The following TTC29 variants were observed in gnomAD, a reference collection of about 807,000 sequenced individuals.
TTC29 encodes tetratricopeptide repeat domain 29, also known as tetratricopeptide repeat protein 29.
Under a neutral mutation model 58.1 loss-of-function variants are expected in TTC29, and 49 were observed. That is an observed-to-expected ratio of 0.84 (90% CI 0.67 to 1.07). The LOEUF (loss-of-function observed/expected upper bound fraction) is 1.07, where lower values mean the gene tolerates loss of function less well. Among genes scored for constraint, TTC29 ranks in the 50% least tolerant of loss-of-function variants. TTC29 has a pLI of 0.00. For synonymous variants in TTC29, 209 were observed against 196.8 expected (o/e 1.06, Z -0.52); for missense variants, 582 against 555.6 (o/e 1.05, Z -0.48).
intron 7 of TTC29, among the ~76,000 whole-genome samples, chr4:146,873,667 G>A (rs1731077115): frequency 6.6e-6 from 1 of 152,166 alleles, no homozygotes; most frequent in Non-Finnish European, 1.5e-5. Flanking sequence ...TACCCCTTTG[G>A]GGGAAGGTAC....
intron 11 of TTC29, among the ~76,000 whole-genome samples, chr4:146,737,488 AT>A (rs1744791582): frequency 6.7e-6 from 1 of 149,832 alleles, no homozygotes; most frequent in Admixed American, 6.8e-5. Flanking sequence ...AACTGTTCTG[AT>A]TCCCAGCGAG....
At position 146,894,784 on chromosome 4, in the gene TTC29, A is replaced by G. The variant is rs996543615; in HGVS notation, c.586+8760T>C. The stretch of plus-strand genomic sequence containing the variant: ...CTAATATAGTCTGTATGCTGTGTTC[A>G]GTGTTGACAACCGTAACTATTGTGC... On this transcript the variant is annotated intron_variant, in intron 6 of 12. Coordinates refer to ENST00000325106, the MANE Select transcript of TTC29 (RefSeq NM_031956.4). 3.9e-4 allele frequency among the ~76,000 whole-genome samples: 60 copies of G among 152,294 alleles called. 1 individual carries two copies. The highest frequency in any genetic ancestry group is 1.3e-3 in the African/African-American group (55 of 41,564).
intron 11 of TTC29, among the ~76,000 whole-genome samples, chr4:146,722,689 G>GTTTAT (rs1046583515): frequency 6.6e-6 from 1 of 151,768 alleles, no homozygotes; most frequent in African/African-American, 2.4e-5. Context: ...TGGATTAAAG[G>GTTTAT]TTTATTTTAT....
intron 6 of TTC29, 64 bp from the exon 7 acceptor site, chr4:146,874,992 C>A: frequency 7.5e-7 from 1 of 1,330,050 alleles, no homozygotes; most frequent in Non-Finnish European, 1.1e-6. Flanking sequence ...AGAAATTTTG[C>A]ATACGTTTTA....
chr4:146,917,156 A>G (rs559452172), intron 4 of TTC29, among the ~76,000 whole-genome samples: 1 of 151,130 alleles, frequency 6.6e-6, no homozygotes, highest in Admixed American at 6.6e-5. Flanking sequence ...ACATGTTAAC[A>G]TCTCAAAAAG....
intron 9 of TTC29, among the ~76,000 whole-genome samples, chr4:146,821,153 G>A (rs773838927): frequency 1.1e-4 from 16 of 152,174 alleles, no homozygotes; most frequent in Non-Finnish European, 1.9e-4. Context: ...GACATGTCCA[G>A]AATGGCAAAT....
intron 11 of TTC29, among the ~76,000 whole-genome samples, chr4:146,742,497 A>G (rs1561079853): frequency 6.6e-6 from 1 of 152,170 alleles, no homozygotes. Context: ...ATTAAAAGTA[A>G]AAGAAATACT....
chr4:146,751,071 A>C (rs1217844215), intron 11 of TTC29, among the ~76,000 whole-genome samples: 1 of 152,200 alleles, frequency 6.6e-6, no homozygotes, highest in Non-Finnish European at 1.5e-5. Context: ...CTACACTTAT[A>C]TTGGATAAGA....
intron 11 of TTC29, among the ~76,000 whole-genome samples, chr4:146,791,632 T>C (rs983604267): frequency 6.6e-6 from 1 of 152,180 alleles, no homozygotes; most frequent in African/African-American, 2.4e-5. Context: ...AAGGAGGCAT[T>C]GCATAACTCT....
intron 8 of TTC29, among the ~76,000 whole-genome samples, chr4:146,842,153 C>A (rs1728891666): frequency 6.6e-6 from 1 of 152,012 alleles, no homozygotes; most frequent in Non-Finnish European, 1.5e-5. Flanking sequence ...CATAGCAAAC[C>A]ATTATGCAGC....
At chr4:146,753,901 T>C (rs1034198171) in intron 11 of TTC29, among the ~76,000 whole-genome samples, 1 of 150,968 alleles carries the variant, frequency 6.6e-6, no homozygotes, top group African/African-American at 2.4e-5. Context: ...CCAGGGACTG[T>C]TGTGGGGTGG....
chr4:146,755,436 A>C (rs1360447936), intron 11 of TTC29, among the ~76,000 whole-genome samples: 1 of 152,210 alleles, frequency 6.6e-6, no homozygotes, highest in Admixed American at 6.5e-5. Context: ...AAAGAAAAAC[A>C]AAATTGGAAG....
At chr4:146,822,782 T>C (rs1751935192) in intron 9 of TTC29, among the ~76,000 whole-genome samples, 1 of 152,220 alleles carries the variant, frequency 6.6e-6, no homozygotes, top group Non-Finnish European at 1.5e-5. Context: ...TCCTGACTTT[T>C]TAATAGTTGT....
chr4:146,895,722 G>C (rs1404285616), intron 6 of TTC29, among the ~76,000 whole-genome samples: 1 of 152,128 alleles, frequency 6.6e-6, no homozygotes, highest in African/African-American at 2.4e-5. Flanking sequence ...TAACAATTAT[G>C]ATCTGTCTGA....
At position 146,889,775 on chromosome 4, in the gene TTC29, A is replaced by T. The variant is rs187055979; in HGVS notation, c.586+13769T>A. Among the ~76,000 whole-genome samples the T allele has an allele frequency of 2.6e-5, 4 of 152,256 alleles. No homozygotes were observed. The East Asian group carries it at 5.8e-4, about 22-fold the overall frequency. ...GGAGAACTGAATATTGTGATAATCA[A>T]CCTCACTTCAAATGCCAAAAAATAA... On this transcript the variant is annotated intron_variant, in intron 6 of 12. Transcript: ENST00000325106.
At chr4:146,782,439 ATTG>A (rs1375562863) in intron 11 of TTC29, among the ~76,000 whole-genome samples, 1 of 151,946 alleles carries the variant, frequency 6.6e-6, no homozygotes, top group Non-Finnish European at 1.5e-5. Context: ...AGATAAAATG[ATTG>A]TTAATTACAT....
intron 4 of TTC29, among the ~76,000 whole-genome samples, chr4:146,911,677 G>A (rs1435072528): frequency 1.3e-5 from 2 of 152,158 alleles, no homozygotes; most frequent in Admixed American, 1.3e-4. Flanking sequence ...GTCCCTTACT[G>A]GTTGCTACAG....
At chr4:146,899,326 G>A (rs1379250685) in intron 6 of TTC29, among the ~76,000 whole-genome samples, 2 of 152,190 alleles carry the variant, frequency 1.3e-5, no homozygotes, top group Non-Finnish European at 2.9e-5. Context: ...GAATGGGAAC[G>A]TCTATTGATC....
intron 11 of TTC29, among the ~76,000 whole-genome samples, chr4:146,797,258 G>A (rs1009645020): frequency 1.2e-4 from 18 of 152,112 alleles, no homozygotes; most frequent in African/African-American, 2.4e-4. Context: ...CCTACAATGC[G>A]TTATTATTTG....
Sources: gnomAD v4.1 joint callset for allele counts (sites outside exome capture counted in the v4.1 genomes callset) on GRCh38, gnomAD v4.1.1 for gene constraint, MANE v1.5 for transcripts, NCBI Gene and HGNC (gene_info 2026-07-23, HGNC 2026-07-21) for gene names.